Variants in MR1 observed in about 807,000 individuals in gnomAD.
MR1 encodes major histocompatibility complex, class I-related, also known as major histocompatibility complex class I-related protein 1.
MR1 carries 44 observed loss-of-function variants against 37.8 expected under a neutral mutation model. The observed-to-expected ratio is 1.16, with a 90% CI of 0.91 to 1.50. MR1 has a LOEUF of 1.50. Ranked by LOEUF, MR1 falls within the 40% of genes most tolerant of loss-of-function variation. The pLI is 0.00. For synonymous variants in MR1, 153 were observed against 155.8 expected (o/e 0.98, Z 0.13); for missense variants, 386 against 419.1 (o/e 0.92, Z 0.69).
upstream of MR1, chr1:181,033,839 C>G (rs1657130815): frequency 1.8e-6 from 1 of 562,364 alleles, no homozygotes; most frequent in South Asian, 2.7e-5. Flanking sequence ...TTAAAAGTTA[C>G]CGAAGAAGGT....
intron 3 of MR1, 73 bp downstream of exon 3, chr1:181,050,359 G>A (rs1340536377): frequency 3.9e-5 from 62 of 1,577,306 alleles, no homozygotes; most frequent in Non-Finnish European, 4.8e-5. Flanking sequence ...TTTTAATCTA[G>A]GTTATATCCA....
chr1:181,046,708 T>G (rs1657898845), intron 1 of MR1, among the ~76,000 whole-genome samples: 1 of 152,118 alleles, frequency 6.6e-6, no homozygotes, highest in Admixed American at 6.5e-5. Flanking sequence ...TGTTTCGCTC[T>G]TTGCAATAAA....
At chr1:181,039,476 T>C (rs926511811) in intron 1 of MR1, among the ~76,000 whole-genome samples, 5 of 152,244 alleles carry the variant, frequency 3.3e-5, no homozygotes, top group African/African-American at 7.2e-5. Flanking sequence ...CCAATAATAC[T>C]GTAAGTTCCT....
intron 1 of MR1, among the ~76,000 whole-genome samples, chr1:181,039,552 A>G (rs1383106799): frequency 5.9e-5 from 9 of 152,168 alleles, no homozygotes; most frequent in Non-Finnish European, 1.2e-4. Context: ...CCTTGTACAT[A>G]GTAGACACTA....
At chr1:181,039,865 CAAA>C (rs35762032) in intron 1 of MR1, among the ~76,000 whole-genome samples, 3 of 89,760 alleles carry the variant, frequency 3.3e-5, no homozygotes, top group Non-Finnish European at 4.7e-5. Context: ...GACTCCATCT[CAAA>C]AAAAAAAAAA....
rs1352443339 is a variant in MR1 at position 181,059,832 on chromosome 1, A to C, written c.*4567A>C. 6.6e-6 allele frequency: 1 copy of C among 152,222 alleles called. No individual in the cohort carries two copies. Among genetic ancestry groups the C allele is most frequent in the Non-Finnish European group, 1.5e-5 (1 of 68,036 alleles). 9.4% of individuals were successfully genotyped at this position (152,222 alleles called of 1,614,324 possible). ...TCAAAAAGAGGGTGTATAGAACCCA[A>C]CACTCAATAGGAAGATTGTCAGAGT... On this transcript the variant is annotated 3_prime_UTR_variant, in exon 6 of 6. Transcript: ENST00000367580.
chr1:181,037,403 C>A (rs1434565459), intron 1 of MR1, among the ~76,000 whole-genome samples: 1 of 152,148 alleles, frequency 6.6e-6, no homozygotes, highest in Admixed American at 6.6e-5. Flanking sequence ...GAAATTTCTC[C>A]AAGACAATGT....
chr1:181,040,937 C>A (rs923376905), intron 1 of MR1, among the ~76,000 whole-genome samples: 4 of 151,848 alleles, frequency 2.6e-5, no homozygotes, highest in Admixed American at 2.6e-4. Flanking sequence ...AAAAAATTAG[C>A]TGGGTGTAGT....
intron 1 of MR1, among the ~76,000 whole-genome samples, chr1:181,038,407 T>C (rs1657383872): frequency 6.6e-6 from 1 of 152,224 alleles, no homozygotes. Context: ...ATTCCCACGA[T>C]GCTCGAAATT....
intron 5 of MR1, 30 bp downstream of exon 5, chr1:181,053,707 GCTGCAGA>G: frequency 6.9e-7 from 1 of 1,449,726 alleles, no homozygotes. Context: ...GATCCAGGGG[GCTGCAGA>G]CTCTCCTGCA....
intron 1 of MR1, 125 bp from the exon 2 acceptor site, chr1:181,048,927 C>T: frequency 9.6e-6 from 12 of 1,250,944 alleles, no homozygotes; most frequent in Non-Finnish European, 1.3e-5. Context: ...GAGGAAATGG[C>T]AGCTGGGGCG....
intron 1 of MR1, among the ~76,000 whole-genome samples, chr1:181,046,212 G>A (rs186733006): frequency 8.5e-5 from 13 of 152,332 alleles, no homozygotes; most frequent in South Asian, 2.1e-4. Flanking sequence ...TGAGGAGTGC[G>A]GGCGCACGGC....
chr1:181,056,874 C>T lies in MR1; in HGVS notation c.*1609C>T, dbSNP rs919035744. 4 of 152,340 alleles carry T rather than the reference C, an allele frequency of 2.6e-5. No individual in the cohort carries two copies. The highest frequency in any genetic ancestry group is 5.9e-5 in the Non-Finnish European group (4 of 68,186). 9.4% of individuals were successfully genotyped at this position (152,340 alleles called of 1,614,324 possible). ...GTGGCTCACGCCTGTAATCCTAGCACTTTGGGAGGCTGAGGCAGGCGGATT... is the reference window on the plus strand; with the variant it reads ...GTGGCTCACGCCTGTAATCCTAGCATTTTGGGAGGCTGAGGCAGGCGGATT... On this transcript the variant is annotated 3_prime_UTR_variant, in exon 6 of 6. Transcript: ENST00000367580.
chr1:181,041,616 G>T (rs1240964491), intron 1 of MR1, among the ~76,000 whole-genome samples: 3 of 152,100 alleles, frequency 2.0e-5, no homozygotes. Flanking sequence ...GCTGCTCCTG[G>T]AATGTGCCAG....
rs907326080 is a variant in MR1, at chr1:181,057,379, T to A, written c.*2114T>A. Reference sequence around the variant, plus strand: ...GTAGGCAAGTTTATTTCTGGAATGGTTTCTTCTTACAATCAGAATAGTTAG... The same window carrying A: ...GTAGGCAAGTTTATTTCTGGAATGGATTCTTCTTACAATCAGAATAGTTAG... On this transcript the variant is annotated 3_prime_UTR_variant, in exon 6 of 6. Coordinates refer to ENST00000367580, the MANE Select transcript of MR1 (RefSeq NM_001385161.1). 1 of 152,234 alleles carries A rather than the reference T, an allele frequency of 6.6e-6. No individual in the cohort carries two copies. The highest frequency in any genetic ancestry group is 1.5e-5 in the Non-Finnish European group (1 of 68,046). 9.4% of individuals were successfully genotyped at this position (152,234 alleles called of 1,614,324 possible). A position where few individuals can be genotyped will look rare whatever the true frequency, so the allele number is the denominator to read the frequency against.
chr1:181,037,513 C>G (rs1657337363), intron 1 of MR1, among the ~76,000 whole-genome samples: 1 of 152,182 alleles, frequency 6.6e-6, no homozygotes, highest in Non-Finnish European at 1.5e-5. Flanking sequence ...GTTGAAATAT[C>G]TGTCTATTCT....
chr1:181,042,786 G>A (rs10910851), intron 1 of MR1, among the ~76,000 whole-genome samples: 13,928 of 152,032 alleles, frequency 0.092, 700 homozygotes, highest in Middle Eastern at 0.14. Flanking sequence ...CAACCTGGGC[G>A]ACAGAATGAG....
At position 181,050,062 on chromosome 1, in the gene MR1, G is replaced by C. The variant is rs879255371; in HGVS notation, c.380G>C (p.Ser127Thr). 6.2e-7 allele frequency: 1 copy of C among 1,613,636 alleles called. No homozygotes were observed. The highest frequency in any genetic ancestry group is 1.7e-5 in the Admixed American group (1 of 60,034). Reference sequence around the variant, plus strand: ...GGCTGTGAGCTGCTGGAGGATGGAAGCACCACAGGATTTCTGCAGTATGCA... The same window carrying C: ...GGCTGTGAGCTGCTGGAGGATGGAACCACCACAGGATTTCTGCAGTATGCA... ...MIGCELLEDG[S>T]TTGFLQYAYD... is the part of the protein sequence containing the mutation. Residue 127 changes from serine to threonine, a missense_variant, in exon 3 of 6, where the codon AGC becomes ACC. Transcript: ENST00000367580.
rs1658769679 is a variant in MR1, at chr1:181,058,842, C to T, written c.*3577C>T. ...CAATGTATTAATTTACTGTGAGAAACACAATTGCTAAGTGGGTCAGATATC... is the reference window on the plus strand; with the variant it reads ...CAATGTATTAATTTACTGTGAGAAATACAATTGCTAAGTGGGTCAGATATC... On this transcript the variant is annotated 3_prime_UTR_variant, in exon 6 of 6. Coordinates refer to ENST00000367580, the MANE Select transcript of MR1 (RefSeq NM_001385161.1). The T allele has an allele frequency of 1.3e-5, 2 of 152,208 alleles. No individual in the cohort carries two copies. The highest frequency in any genetic ancestry group is 4.8e-5 in the African/African-American group (2 of 41,444). 9.4% of individuals were successfully genotyped at this position (152,208 alleles called of 1,614,324 possible).
Sources: allele counts gnomAD v4.1 joint callset (sites outside exome capture counted in the v4.1 genomes callset), GRCh38; gene constraint gnomAD v4.1.1; transcripts MANE v1.5; gene names NCBI Gene and HGNC (gene_info 2026-07-23, HGNC 2026-07-21).